Variants in SMYD3 observed in about 807,000 individuals in gnomAD.
SMYD3 encodes SET and MYND domain containing 3, also known as histone-lysine N-methyltransferase SMYD3.
In SMYD3, 36 loss-of-function variants were observed where a neutral mutation model predicts 57.7. The ratio of observed to expected loss-of-function variants is 0.62; its 90% CI spans 0.48 to 0.82. The LOEUF (loss-of-function observed/expected upper bound fraction) is 0.82, where lower values mean the gene tolerates loss of function less well. Among genes scored for constraint, SMYD3 ranks in the 40% least tolerant of loss-of-function variants. SMYD3 has a pLI of 0.00. For synonymous variants in SMYD3, 211 were observed against 195.0 expected (o/e 1.08, Z -0.68); for missense variants, 515 against 538.8 (o/e 0.96, Z 0.44).
intron 5 of SMYD3, chr1:245,930,175 A>T: frequency 1.8e-6 from 1 of 549,126 alleles, no homozygotes; most frequent in South Asian, 1.7e-5. Context: ...AAAAAAAAAA[A>T]AACAGACGGA....
chr1:245,936,465 G>A (rs1182831267), intron 5 of SMYD3, among the ~76,000 whole-genome samples: 1 of 151,618 alleles, frequency 6.6e-6, no homozygotes, highest in Non-Finnish European at 1.5e-5. Flanking sequence ...TCTTATAATC[G>A]AGAAAAAGAA....
chr1:246,185,514 T>C (rs2062622374), intron 5 of SMYD3, among the ~76,000 whole-genome samples: 1 of 136,968 alleles, frequency 7.3e-6, no homozygotes, highest in South Asian at 2.3e-4. Flanking sequence ...GAGTGTGGAG[T>C]GCAGTGGCGC....
intron 10 of SMYD3, among the ~76,000 whole-genome samples, chr1:245,836,119 C>T (rs1464751827): frequency 5.3e-5 from 8 of 152,234 alleles, no homozygotes; most frequent in South Asian, 2.1e-4. Flanking sequence ...TTGGCAAAAA[C>T]GAATCATTGG....
intron 5 of SMYD3, among the ~76,000 whole-genome samples, chr1:245,950,756 A>G (rs934423352): frequency 6.6e-6 from 1 of 152,232 alleles, no homozygotes; most frequent in Non-Finnish European, 1.5e-5. Flanking sequence ...CTTTGTGCAC[A>G]TATGTTCCCA....
rs562673805 is a variant in SMYD3, at chr1:246,482,141, G to A, written c.164+24913C>T. On this transcript the variant is annotated intron_variant, in intron 1 of 11. Coordinates refer to ENST00000490107, the MANE Select transcript of SMYD3 (RefSeq NM_001167740.2). The stretch of plus-strand genomic sequence containing the variant: ...CCACTGTACACCAGCCTGGGCAACA[G>A]AGCGAGACCCTGTCTCAGAAGCAAA... Among the ~76,000 whole-genome samples the A allele has an allele frequency of 7.9e-5, 12 of 152,144 alleles. No individual in the cohort carries two copies. In the South Asian group the frequency reaches 2.1e-3, roughly 26 times the overall value.
chr1:246,009,011 G>A (rs2059228652), intron 5 of SMYD3, among the ~76,000 whole-genome samples: 3 of 152,220 alleles, frequency 2.0e-5, no homozygotes, highest in Middle Eastern at 6.8e-3. Context: ...ACTTGGCTTC[G>A]GTTTCCTCCT....
At chr1:245,817,113 C>G (rs7535489) in intron 10 of SMYD3, among the ~76,000 whole-genome samples, 19,236 of 150,052 alleles carry the variant, frequency 0.13, 1,474 homozygotes, top group East Asian at 0.26. Flanking sequence ...CAAACAAAAA[C>G]ACAGCAGTAA....
At chr1:245,964,750 G>A (rs1453704397) in intron 5 of SMYD3, among the ~76,000 whole-genome samples, 2 of 147,490 alleles carry the variant, frequency 1.4e-5, no homozygotes, top group African/African-American at 2.5e-5. Context: ...TTGAGGATAC[G>A]ACAACAGAAA....
chr1:246,207,196 T>C (rs545740307), intron 5 of SMYD3, among the ~76,000 whole-genome samples: 1 of 152,324 alleles, frequency 6.6e-6, no homozygotes, highest in South Asian at 2.1e-4. Context: ...GAATAGGCTG[T>C]ACCACACATA....
At chr1:245,991,007 T>C (rs576886549) in intron 5 of SMYD3, among the ~76,000 whole-genome samples, 1 of 152,346 alleles carries the variant, frequency 6.6e-6, no homozygotes, top group South Asian at 2.1e-4. Flanking sequence ...CAATCGTAAG[T>C]TGAAGTCAAT....
At chr1:246,351,904 G>A (rs887419946) in intron 2 of SMYD3, among the ~76,000 whole-genome samples, 1 of 152,058 alleles carries the variant, frequency 6.6e-6, no homozygotes, top group Non-Finnish European at 1.5e-5. Flanking sequence ...GGGAGGCCAA[G>A]GCTGGCAGAC....
chr1:246,499,360 C>A (rs897588727), intron 1 of SMYD3, among the ~76,000 whole-genome samples: 1 of 151,212 alleles, frequency 6.6e-6, no homozygotes, highest in Non-Finnish European at 1.5e-5. Context: ...AATAAATTTA[C>A]ATATATGTAA....
At chr1:246,259,886 C>A (rs2063971155) in intron 5 of SMYD3, among the ~76,000 whole-genome samples, 2 of 152,154 alleles carry the variant, frequency 1.3e-5, no homozygotes, top group Non-Finnish European at 2.9e-5. Flanking sequence ...GAATGGGAAA[C>A]CTCTTCAGCA....
At chr1:246,396,601 T>C (rs960070353) in intron 1 of SMYD3, among the ~76,000 whole-genome samples, 4 of 132,022 alleles carry the variant, frequency 3.0e-5, no homozygotes, top group African/African-American at 1.1e-4. Flanking sequence ...ATGGTTTGGC[T>C]CTGTGTCCAC....
At chr1:245,897,661 A>G (rs571514944) in intron 8 of SMYD3, among the ~76,000 whole-genome samples, 1 of 152,254 alleles carries the variant, frequency 6.6e-6, no homozygotes, top group African/African-American at 2.4e-5. Flanking sequence ...TTGGGAGGCC[A>G]GGGCGGGTGG....
chr1:245,895,018 C>T (rs1032343253), intron 8 of SMYD3, among the ~76,000 whole-genome samples: 2 of 152,198 alleles, frequency 1.3e-5, no homozygotes, highest in African/African-American at 2.4e-5. Flanking sequence ...ATGTGGTGAA[C>T]GCCACAGTCC....
intron 10 of SMYD3, among the ~76,000 whole-genome samples, chr1:245,779,843 G>A (rs2046760261): frequency 6.6e-6 from 1 of 152,232 alleles, no homozygotes; most frequent in Non-Finnish European, 1.5e-5. Context: ...TTAAACAGAA[G>A]ACTCGAGTGA....
intron 8 of SMYD3, among the ~76,000 whole-genome samples, chr1:245,896,706 G>T (rs113188281): frequency 6.6e-6 from 1 of 152,280 alleles, no homozygotes; most frequent in African/African-American, 2.4e-5. Flanking sequence ...GGCCTGAAGG[G>T]GCCAAACAGA....
intron 10 of SMYD3, among the ~76,000 whole-genome samples, chr1:245,840,765 A>G (rs2050360723): frequency 6.6e-6 from 1 of 152,142 alleles, no homozygotes; most frequent in Non-Finnish European, 1.5e-5. Context: ...AAAAAAAACA[A>G]AGTTGCAGCT....
Sources: allele counts gnomAD v4.1 joint callset (sites outside exome capture counted in the v4.1 genomes callset), GRCh38; gene constraint gnomAD v4.1.1; transcripts MANE v1.5; gene names NCBI Gene and HGNC (gene_info 2026-07-23, HGNC 2026-07-21).